B3GALT1: variants seen among roughly 807,000 people sequenced by gnomAD.
The protein encoded by B3GALT1 is beta-1,3-galactosyltransferase 1, also known as UDP-Gal:betaGlcNAc beta 1,3-galactosyltransferase, polypeptide 1.
B3GALT1 carries 10 observed loss-of-function variants against 23.2 expected under a neutral mutation model. The observed-to-expected ratio is 0.43, with a 90% CI of 0.27 to 0.73. The LOEUF (loss-of-function observed/expected upper bound fraction) is 0.73, where lower values mean the gene tolerates loss of function less well. B3GALT1 is among the 30% of genes least tolerant of loss of function. The probability of loss-of-function intolerance (pLI) is 0.21; values close to 1 mark genes in which losing one functional copy is unlikely to be tolerated. For missense variants in B3GALT1, 299 were observed against 405.4 expected (o/e 0.74, Z 2.25); for synonymous variants, 156 against 141.5 (o/e 1.10, Z -0.73).
intron 3 of B3GALT1, among the ~76,000 whole-genome samples, chr2:167,703,924 G>A (rs540820237): frequency 5.9e-5 from 9 of 152,178 alleles, no homozygotes; most frequent in Non-Finnish European, 1.0e-4. Flanking sequence ...GCTCACACCT[G>A]TAATCCCAGC....
intron 3 of B3GALT1, among the ~76,000 whole-genome samples, chr2:167,685,318 TC>T (rs1686600677): frequency 1.3e-5 from 2 of 152,210 alleles, no homozygotes; most frequent in Non-Finnish European, 2.9e-5. Context: ...GGTTTTGAAC[TC>T]CTGACCTCAG....
chr2:167,857,169 AC>A (rs1289111867), intron 4 of B3GALT1, among the ~76,000 whole-genome samples: 3 of 152,104 alleles, frequency 2.0e-5, no homozygotes, highest in African/African-American at 7.2e-5. Flanking sequence ...TGAGACCTTA[AC>A]CCCAGAATAT....
intron 2 of B3GALT1, among the ~76,000 whole-genome samples, chr2:167,515,322 A>C (rs990138712): frequency 1.4e-4 from 22 of 152,264 alleles, no homozygotes; most frequent in African/African-American, 5.3e-4. Context: ...TACATTCACT[A>C]TGCTTAAGGC....
At chr2:167,436,372 G>A (rs2105310235) in intron 1 of B3GALT1, among the ~76,000 whole-genome samples, 1 of 152,062 alleles carries the variant, frequency 6.6e-6, no homozygotes, top group Non-Finnish European at 1.5e-5. Context: ...TTTCCCAGAC[G>A]TATTAATGAC....
intron 3 of B3GALT1, among the ~76,000 whole-genome samples, chr2:167,663,712 T>G (rs1686116001): frequency 6.6e-6 from 1 of 151,924 alleles, no homozygotes; most frequent in African/African-American, 2.4e-5. Flanking sequence ...TGATGGCCAG[T>G]GATGGTGAGC....
At chr2:167,302,455 A>G (rs1696466286) in intron 1 of B3GALT1, among the ~76,000 whole-genome samples, 1 of 152,154 alleles carries the variant, frequency 6.6e-6, no homozygotes, top group Non-Finnish European at 1.5e-5. Flanking sequence ...GGAAAGGACT[A>G]AATTGTACAA....
chr2:167,468,281 G>A (rs1699377381), intron 1 of B3GALT1, among the ~76,000 whole-genome samples: 1 of 152,078 alleles, frequency 6.6e-6, no homozygotes, highest in African/African-American at 2.4e-5. Flanking sequence ...TCTAATCAGT[G>A]TTGGACAGGG....
intron 3 of B3GALT1, among the ~76,000 whole-genome samples, chr2:167,693,518 A>G (rs1392129940): frequency 1.3e-5 from 2 of 152,158 alleles, no homozygotes; most frequent in African/African-American, 4.8e-5. Flanking sequence ...AAGATGCTCA[A>G]TCTACAGTCT....
chr2:167,571,591 A>C (rs997917827), intron 2 of B3GALT1, among the ~76,000 whole-genome samples: 2 of 151,920 alleles, frequency 1.3e-5, no homozygotes, highest in African/African-American at 4.8e-5. Context: ...CCAGAAACAC[A>C]TGGGTTCTGA....
intron 3 of B3GALT1, among the ~76,000 whole-genome samples, chr2:167,670,052 C>G (rs1287071489): frequency 6.6e-6 from 1 of 152,222 alleles, no homozygotes; most frequent in Non-Finnish European, 1.5e-5. Flanking sequence ...TGCAGACTCC[C>G]TCCAAGCTAG....
At chr2:167,457,722 G>A (rs1247794463) in intron 1 of B3GALT1, among the ~76,000 whole-genome samples, 1 of 152,072 alleles carries the variant, frequency 6.6e-6, no homozygotes, top group African/African-American at 2.4e-5. Context: ...AATCACTGGG[G>A]CAAGTCATTT....
intron 2 of B3GALT1, among the ~76,000 whole-genome samples, chr2:167,601,395 C>T (rs559723764): frequency 6.6e-6 from 1 of 152,186 alleles, no homozygotes. Flanking sequence ...AGATTACATT[C>T]CCTCTTTGCC....
At chr2:167,654,630 A>T (rs931742562) in intron 3 of B3GALT1, among the ~76,000 whole-genome samples, 1 of 151,890 alleles carries the variant, frequency 6.6e-6, no homozygotes, top group African/African-American at 2.4e-5. Flanking sequence ...AGTAGCTGGG[A>T]TAGCAAGTGT....
At chr2:167,531,938 CA>C in intron 2 of B3GALT1, among the ~76,000 whole-genome samples, 1 of 152,160 alleles carries the variant, frequency 6.6e-6, no homozygotes, top group South Asian at 2.1e-4. Context: ...TTCATTTTTA[CA>C]AAGAAGAATT....
chr2:167,441,184 T>A lies in B3GALT1; in HGVS notation c.-510-48993T>A, dbSNP rs73023883. ...ATGACTAGTTCACATTCAAGGTTCATGAAGAGATCCAAAAGTTGCCTGGGA... is the reference window on the plus strand; with the variant it reads ...ATGACTAGTTCACATTCAAGGTTCAAGAAGAGATCCAAAAGTTGCCTGGGA... On this transcript the variant is annotated intron_variant, in intron 1 of 4. Transcript: ENST00000392690. Among the ~76,000 whole-genome samples, 1,122 of 152,298 alleles carry A rather than the reference T, an allele frequency of 7.4e-3. 11 individuals carry two copies. Among genetic ancestry groups the A allele is most frequent in the African/African-American group, 0.023 (961 of 41,566 alleles).
At chr2:167,327,361 A>G (rs570170825) in intron 1 of B3GALT1, among the ~76,000 whole-genome samples, 6 of 152,206 alleles carry the variant, frequency 3.9e-5, no homozygotes, top group African/African-American at 1.4e-4. Flanking sequence ...TTATTTTAAC[A>G]ATGTGAATTC....
chr2:167,353,646 C>A (rs929330466), intron 1 of B3GALT1, among the ~76,000 whole-genome samples: 11 of 152,078 alleles, frequency 7.2e-5, no homozygotes, highest in Admixed American at 6.6e-5. Flanking sequence ...TAGTTTGTAT[C>A]ATTGCAGAAT....
In B3GALT1 at chr2:167,869,186, C is replaced by T; in HGVS notation, c.147C>T (p.Thr49=). The T allele has an allele frequency of 6.2e-7, 1 of 1,614,140 alleles. No individual in the cohort carries two copies. Among genetic ancestry groups the T allele is most frequent in the Non-Finnish European group, 8.5e-7 (1 of 1,180,024 alleles). The change falls in exon 5 of 5, where the codon ACC becomes ACT. Residue 49 remains threonine (T), a synonymous_variant. Transcript: ENST00000392690. This position sits in a 1 kb window ranked among gnomAD's most constrained non-coding sequence, Gnocchi z 6.4. ...SHLTVARKNF[T]FGNIRTRPIN... ...TAACAGTTGCCAGGAAAAACTTCAC[C>T]TTTGGCAACATAAGAACTCGACCTA... is the stretch of plus-strand genomic sequence containing the variant.
chr2:167,602,726 G>A (rs1238878056), intron 2 of B3GALT1, among the ~76,000 whole-genome samples: 2 of 151,970 alleles, frequency 1.3e-5, no homozygotes, highest in Non-Finnish European at 2.9e-5. Context: ...GACTCAAATA[G>A]TATTTGTATC....
Sources: allele counts gnomAD v4.1 joint callset (sites outside exome capture counted in the v4.1 genomes callset), GRCh38; gene constraint gnomAD v4.1.1; non-coding constraint Gnocchi (gnomAD v3.1); transcripts MANE v1.5; gene names NCBI Gene and HGNC (gene_info 2026-07-23, HGNC 2026-07-21).